The following IVD variants were observed in gnomAD, a reference collection of about 807,000 sequenced individuals.
IVD encodes the protein isovaleryl-CoA dehydrogenase, mitochondrial.
Under a neutral mutation model 51.3 loss-of-function variants are expected in IVD, and 31 were observed. That is an observed-to-expected ratio of 0.60 (90% CI 0.45 to 0.81). The LOEUF is 0.81. Among genes scored for constraint, IVD ranks in the 40% least tolerant of loss-of-function variants. IVD has a pLI of 0.00. For missense variants in IVD, 475 were observed against 552.0 expected (o/e 0.86, Z 1.40); for synonymous variants, 205 against 219.4 (o/e 0.93, Z 0.58).
At chr15:40,428,814 T>C (rs1892814969), downstream of IVD, among the ~76,000 whole-genome samples, 1 of 152,130 alleles carries the variant, frequency 6.6e-6, no homozygotes, top group African/African-American at 2.4e-5. Context: ...ACAATCTCTC[T>C]GTAGGACTGA....
Position 40,407,966 on chromosome 15 carries a change from G to C in IVD, c.262G>C (p.Gly88Arg). 2.5e-6 allele frequency: 4 copies of C among 1,614,138 alleles called. No homozygotes were observed. The South Asian group carries it at 4.4e-5, about 18-fold the overall frequency. Reference protein sequence around the residue: ...REFWKQLGNLGVLGITAPVQY... With the variant: ...REFWKQLGNLRVLGITAPVQY... ...ATTTTGGAAGCAGCTGGGGAACCTG[G>C]GCGTATTGGGCATCACAGCCCCTGG... Residue 88 changes from glycine to arginine, a missense_variant, in exon 3 of 12, where the codon GGC becomes CGC. Physicochemically the swap from Gly to Arg is moderately radical, Grantham distance 125. Coordinates refer to ENST00000487418, the MANE Select transcript of IVD (RefSeq NM_002225.5).
At chr15:40,412,698 G>C (rs1051778192) in intron 6 of IVD, 2 of 418,690 alleles carry the variant, frequency 4.8e-6, no homozygotes, top group Admixed American at 7.1e-5. Context: ...CCCTGGGGGA[G>C]GGAAATAAGG....
intron 3 of IVD, 69 bp downstream of exon 3, chr15:40,408,059 C>A: frequency 7.0e-7 from 1 of 1,436,902 alleles, no homozygotes; most frequent in Non-Finnish European, 9.8e-7. Flanking sequence ...CCAAAAGAAG[C>A]AGGAAGGGAA....
At chr15:40,435,097 G>A (rs1893191817) in intron 8 of IVD, among the ~76,000 whole-genome samples, 1 of 152,206 alleles carries the variant, frequency 6.6e-6, no homozygotes, top group South Asian at 2.1e-4. Context: ...CTGAGATTGG[G>A]GCGAGAATGA....
chr15:40,411,691 G>C lies in IVD; in HGVS notation c.687G>C (p.Lys229Asn). The C allele has an allele frequency of 1.9e-6, 3 of 1,614,176 alleles. No homozygotes were observed. Among genetic ancestry groups the C allele is most frequent in the African/African-American group, 2.7e-5 (2 of 75,044 alleles). Residue 229 changes from lysine (K) to asparagine (N), a missense_variant and splice_region_variant, in exon 6 of 12, where the codon AAG becomes AAC. Coordinates refer to ENST00000487418, the MANE Select transcript of IVD (RefSeq NM_002225.5). ...SRGITAFIVE[K>N]GMPGFSTSKK... ...GCATCACAGCCTTCATTGTGGAGAA[G>C]GTGAGTATAGGTGGGTGCAGGGCCA...
downstream of IVD, among the ~76,000 whole-genome samples, chr15:40,425,070 G>A (rs1892589362): frequency 6.6e-6 from 1 of 152,182 alleles, no homozygotes; most frequent in South Asian, 2.1e-4. Flanking sequence ...AGGAAGCTGT[G>A]CTAAAAGACC....
chr15:40,408,097 G>A (rs1566932649), intron 3 of IVD, 107 bp downstream of exon 3: 1 of 1,044,310 alleles, frequency 9.6e-7, no homozygotes, highest in African/African-American at 1.6e-5. Flanking sequence ...AAGAAACCCA[G>A]AACTGCATCT....
chr15:40,426,913 C>T (rs551211205), downstream of IVD, among the ~76,000 whole-genome samples: 34 of 152,274 alleles, frequency 2.2e-4, 1 homozygote, highest in South Asian at 5.4e-3. Flanking sequence ...CACTGGGCGA[C>T]GGGCTGGGGA....
intron 1 of IVD, 82 bp downstream of exon 1, chr15:40,406,053 C>G (rs574103663): frequency 5.4e-6 from 8 of 1,478,324 alleles, no homozygotes; most frequent in Admixed American, 4.3e-5. Flanking sequence ...TGGTCCCCAT[C>G]GGCCCAGCGC....
At position 40,413,840 on chromosome 15, in the gene IVD, G is replaced by A. The variant is rs574518735; in HGVS notation, c.784+753G>A. The stretch of plus-strand genomic sequence containing the variant: ...CGAGTAGCTGGGATTACAGGCATGC[G>A]CCACCCTGCCCAGCTAAATTTTTTG... On this transcript the variant is annotated intron_variant, in intron 7 of 11. Coordinates refer to ENST00000487418, the MANE Select transcript of IVD (RefSeq NM_002225.5). Among the ~76,000 whole-genome samples, 7 of 151,756 alleles carry A rather than the reference G, an allele frequency of 4.6e-5. No individual in the cohort carries two copies. In the East Asian group the frequency reaches 7.8e-4, roughly 17 times the overall value.
Position 40,410,691 on chromosome 15 carries a change from G to A in IVD, c.350G>A (p.Arg117Gln), listed in dbSNP as rs145725101. ...EHVLVMEEIS[R>Q]ASGAVGLSYG... ...GTGCTGGTGATGGAGGAGATATCCC[G>A]AGCTTCCGGAGCAGTGGGGCTCAGT... Residue 117 changes from arginine to glutamine, a missense_variant, in exon 4 of 12, where the codon CGA becomes CAA. Transcript: ENST00000487418. 5.0e-6 allele frequency: 8 copies of A among 1,614,212 alleles called. No homozygotes were observed. The highest frequency in any genetic ancestry group is 2.2e-5 in the East Asian group (1 of 44,890).
chr15:40,418,241 C>A lies in IVD; in HGVS notation c.1250C>A (p.Ala417Asp), dbSNP rs766159160. 4 of 1,614,176 alleles carry A rather than the reference C, an allele frequency of 2.5e-6. No homozygotes were observed. Among genetic ancestry groups the A allele is most frequent in the Non-Finnish European group, 2.5e-6 (3 of 1,180,024 alleles). ...GTGAGGCGGCTGGTCATCGGCAGAG[C>A]CTTCAATGCAGACTTTCACTAGTCC... ...SEVRRLVIGR[A>D]FNADFH The change falls in exon 12 of 12, where the codon GCC (alanine) becomes GAC (aspartate). Residue 417 changes from alanine to aspartate, a missense_variant. Ala to Asp is a moderately radical substitution (Grantham distance 126). Coordinates refer to ENST00000487418, the MANE Select transcript of IVD (RefSeq NM_002225.5).
At chr15:40,424,289 C>G (rs1197495312), downstream of IVD, 1 of 829,408 alleles carries the variant, frequency 1.2e-6, no homozygotes, top group Non-Finnish European at 1.7e-6. Flanking sequence ...TGCTTCCCTC[C>G]TTCCCTGCTG....
intron 5 of IVD, 94 bp from the exon 6 acceptor site, chr15:40,411,461 C>A (rs532775974): frequency 9.4e-6 from 15 of 1,603,674 alleles, no homozygotes; most frequent in Middle Eastern, 3.3e-4. Context: ...AGAACTTTCT[C>A]AAAGGTGGAC....
downstream of IVD, chr15:40,424,362 T>C (rs1403012299): frequency 1.1e-5 from 4 of 357,238 alleles, no homozygotes; most frequent in Non-Finnish European, 1.5e-5. Flanking sequence ...GTGCCTTTGG[T>C]CTGGGGCAGC....
intron 4 of IVD, 134 bp downstream of exon 4, chr15:40,410,931 G>A: frequency 9.1e-7 from 1 of 1,103,912 alleles, no homozygotes; most frequent in South Asian, 1.3e-5. Context: ...GTTAGGAAGG[G>A]GCCATGGATT....
At chr15:40,413,576 C>G (rs114297147) in intron 7 of IVD, among the ~76,000 whole-genome samples, 2,235 of 152,164 alleles carry the variant, frequency 0.015, 54 homozygotes, top group African/African-American at 0.052. Context: ...TGAGGTGTAA[C>G]TGAAATCTGA....
rs1224954297 is a variant in IVD at position 40,406,298 on chromosome 15, G to A, written c.144+327G>A. The A allele has an allele frequency of 4.3e-6, 6 of 1,405,140 alleles. No homozygotes were observed. The highest frequency in any genetic ancestry group is 5.6e-6 in the Non-Finnish European group (6 of 1,064,622). 87.0% of individuals were successfully genotyped at this position (1,405,140 alleles called of 1,614,324 possible). On this transcript the variant is annotated intron_variant, in intron 1 of 11. Transcript: ENST00000487418. ...ATTGGCCAGGCTACCTACCGCTTGT[G>A]GCACAAGGGCCCTCAATCTGTATGT...
downstream of IVD, among the ~76,000 whole-genome samples, chr15:40,426,332 G>A (rs1892672343): frequency 6.6e-6 from 1 of 152,046 alleles, no homozygotes; most frequent in Non-Finnish European, 1.5e-5. Flanking sequence ...GAGGTCAGGA[G>A]TTTGAAACAA....
Sources: gnomAD v4.1 joint callset for allele counts (sites outside exome capture counted in the v4.1 genomes callset) on GRCh38, gnomAD v4.1.1 for gene constraint, MANE v1.5 for transcripts, NCBI Gene and HGNC (gene_info 2026-07-23, HGNC 2026-07-21) for gene names.